Variants in GMDS observed in about 807,000 individuals in gnomAD.
GMDS encodes the protein GDP-mannose 4,6-dehydratase.
Under a neutral mutation model 49.9 loss-of-function variants are expected in GMDS, and 20 were observed. The observed-to-expected ratio is 0.40, with a 90% CI of 0.28 to 0.58. GMDS has a LOEUF of 0.58. Among genes scored for constraint, GMDS ranks in the 20% least tolerant of loss-of-function variants. The pLI is 0.42. For missense variants in GMDS, 362 were observed against 481.4 expected (o/e 0.75, Z 2.32); for synonymous variants, 177 against 178.6 (o/e 0.99, Z 0.07).
At chr6:1,750,921 T>C (rs1767698463) in intron 7 of GMDS, among the ~76,000 whole-genome samples, 1 of 152,202 alleles carries the variant, frequency 6.6e-6, no homozygotes, top group Middle Eastern at 3.4e-3. Context: ...CTTGAGTAGG[T>C]GGTTTTCCCC....
intron 7 of GMDS, among the ~76,000 whole-genome samples, chr6:1,878,633 T>C (rs1211903621): frequency 6.6e-6 from 1 of 152,098 alleles, no homozygotes; most frequent in African/African-American, 2.4e-5. Flanking sequence ...AGGTGCAAAA[T>C]GCAAATGTAC....
At chr6:2,229,244 T>C (rs921147540) in intron 1 of GMDS, among the ~76,000 whole-genome samples, 1 of 152,116 alleles carries the variant, frequency 6.6e-6, no homozygotes, top group Non-Finnish European at 1.5e-5. Flanking sequence ...TCTTTCGTCC[T>C]AGTACAGATA....
intron 1 of GMDS, among the ~76,000 whole-genome samples, chr6:2,187,929 G>A (rs1290812837): frequency 3.9e-5 from 6 of 152,198 alleles, no homozygotes. Flanking sequence ...AAAATCCTAG[G>A]AAACAATATC....
At position 1,844,637 on chromosome 6, in the gene GMDS, GA is replaced by G. The variant is rs143672128; in HGVS notation, c.771+85465del. On this transcript the variant is annotated intron_variant, in intron 7 of 10. Transcript: ENST00000380815. ...CCTACACCTTTTTTCCTGGATCTGA[GA>G]AAAAAAAACCTGATTTTAGCAGTGT... Among the ~76,000 whole-genome samples the G allele has an allele frequency of 3.3e-5, 5 of 150,678 alleles. No individual in the cohort carries two copies. The South Asian group carries it at 6.3e-4, about 19-fold the overall frequency.
chr6:2,075,263 A>T (rs920412835), intron 4 of GMDS, among the ~76,000 whole-genome samples: 1 of 150,856 alleles, frequency 6.6e-6, no homozygotes, highest in Non-Finnish European at 1.5e-5. Flanking sequence ...TTTTTTTTTT[A>T]CAGGAAAGTG....
At chr6:1,820,168 A>G (rs1175565663) in intron 7 of GMDS, among the ~76,000 whole-genome samples, 1 of 152,188 alleles carries the variant, frequency 6.6e-6, no homozygotes, top group Non-Finnish European at 1.5e-5. Flanking sequence ...TTTAATATAA[A>G]TTATAAATAG....
intron 7 of GMDS, among the ~76,000 whole-genome samples, chr6:1,801,952 G>A (rs1052985259): frequency 7.9e-5 from 12 of 152,242 alleles, no homozygotes; most frequent in Admixed American, 6.5e-4. Context: ...GAATAAAAAC[G>A]GCACTGGACA....
chr6:2,068,670 C>T (rs571976724), intron 4 of GMDS, among the ~76,000 whole-genome samples: 3 of 152,210 alleles, frequency 2.0e-5, no homozygotes, highest in East Asian at 3.9e-4. Flanking sequence ...TTCACAATTG[C>T]TTCAAAGAGA....
intron 9 of GMDS, among the ~76,000 whole-genome samples, chr6:1,679,012 A>G (rs186926985): frequency 1.3e-5 from 2 of 152,312 alleles, no homozygotes; most frequent in Admixed American, 1.3e-4. Flanking sequence ...CTGAAACGAC[A>G]CTAGACAAAA....
At chr6:1,767,953 C>T (rs548387710) in intron 7 of GMDS, among the ~76,000 whole-genome samples, 6 of 152,046 alleles carry the variant, frequency 3.9e-5, no homozygotes, top group South Asian at 4.2e-4. Flanking sequence ...GACAGTTCAC[C>T]GACTATACTG....
At chr6:1,699,745 G>T (rs555442175) in intron 9 of GMDS, among the ~76,000 whole-genome samples, 13 of 152,104 alleles carry the variant, frequency 8.5e-5, no homozygotes, top group African/African-American at 3.1e-4. Flanking sequence ...AATCCCATTT[G>T]CAAAGTCTCT....
At chr6:1,701,518 C>T (rs1765543643) in intron 9 of GMDS, among the ~76,000 whole-genome samples, 1 of 151,780 alleles carries the variant, frequency 6.6e-6, no homozygotes, top group African/African-American at 2.4e-5. Flanking sequence ...TTAATTAGGG[C>T]AGTGTTTGAG....
chr6:1,799,110 G>A (rs933383874), intron 7 of GMDS, among the ~76,000 whole-genome samples: 1 of 152,004 alleles, frequency 6.6e-6, no homozygotes. Context: ...AGATTAGCGA[G>A]GGAAGGGACT....
At chr6:1,819,773 A>C (rs1000154070) in intron 7 of GMDS, among the ~76,000 whole-genome samples, 6 of 129,766 alleles carry the variant, frequency 4.6e-5, no homozygotes, top group African/African-American at 1.6e-4. Flanking sequence ...AAAAAAAAAA[A>C]AAAATATATA....
chr6:2,008,326 A>G (rs1225565195), intron 4 of GMDS, among the ~76,000 whole-genome samples: 1 of 152,222 alleles, frequency 6.6e-6, no homozygotes, highest in Non-Finnish European at 1.5e-5. Flanking sequence ...ATGAAAAACA[A>G]AATATATGGC....
intron 6 of GMDS, among the ~76,000 whole-genome samples, chr6:1,957,355 CT>C (rs1763696236): frequency 6.6e-6 from 1 of 152,074 alleles, no homozygotes; most frequent in Admixed American, 6.5e-5. Context: ...AATTTTCAGT[CT>C]GGGAAAGAAA....
chr6:2,101,494 T>C (rs980330903), intron 4 of GMDS, among the ~76,000 whole-genome samples: 4 of 151,922 alleles, frequency 2.6e-5, no homozygotes, highest in Non-Finnish European at 5.9e-5. Flanking sequence ...CATCATCATG[T>C]AAGATGGTTC....
intron 4 of GMDS, among the ~76,000 whole-genome samples, chr6:2,019,222 A>G (rs565814875): frequency 8.5e-4 from 129 of 151,668 alleles, no homozygotes; most frequent in African/African-American, 3.0e-3. Context: ...TCATCTATAT[A>G]CAATATAAGA....
chr6:1,946,997 AT>A (rs1341315711), intron 6 of GMDS, among the ~76,000 whole-genome samples: 2 of 152,346 alleles, frequency 1.3e-5, no homozygotes, highest in East Asian at 3.9e-4. Context: ...AGTTCTGCAC[AT>A]TTTTTGGAAA....
Sources: gnomAD v4.1 joint callset for allele counts (sites outside exome capture counted in the v4.1 genomes callset) on GRCh38, gnomAD v4.1.1 for gene constraint, MANE v1.5 for transcripts, NCBI Gene and HGNC (gene_info 2026-07-23, HGNC 2026-07-21) for gene names.